Variants in SAMD5 observed in about 807,000 individuals in gnomAD.
SAMD5 encodes the protein sterile alpha motif domain-containing protein 5.
SAMD5 carries 13 observed loss-of-function variants against 11.3 expected under a neutral mutation model. The observed-to-expected ratio is 1.15, with a 90% CI of 0.75 to 1.83. The LOEUF (loss-of-function observed/expected upper bound fraction) is 1.83. Ranked by LOEUF, SAMD5 falls within the 40% of genes most tolerant of loss-of-function variation. SAMD5 has a pLI of 0.00. For missense variants in SAMD5, 255 were observed against 239.1 expected (o/e 1.07, Z -0.44); for synonymous variants, 129 against 111.3 (o/e 1.16, Z -1.00).
At chr6:147,775,815 A>G in the SAMD5 span, among the ~76,000 whole-genome samples, 1 of 152,136 alleles carries the variant, frequency 6.6e-6, no homozygotes. Context: ...CCACTTTCCC[A>G]GCTGTGTGAT....
At chr6:147,777,613 A>G in the SAMD5 span, among the ~76,000 whole-genome samples, 1 of 152,142 alleles carries the variant, frequency 6.6e-6, no homozygotes, top group Non-Finnish European at 1.5e-5. Context: ...AACAGTCCCC[A>G]CTGTCTACTT....
chr6:147,895,185 G>T, the SAMD5 span, among the ~76,000 whole-genome samples: 1 of 152,170 alleles, frequency 6.6e-6, no homozygotes, highest in Non-Finnish European at 1.5e-5. Flanking sequence ...ATGCTGAAAT[G>T]CTATCTTTAA....
chr6:147,785,017 G>A, the SAMD5 span, among the ~76,000 whole-genome samples: 1 of 152,056 alleles, frequency 6.6e-6, no homozygotes, highest in Non-Finnish European at 1.5e-5. Flanking sequence ...AGATTATAAA[G>A]TTATGGCCCC....
chr6:147,755,461 AT>A, the SAMD5 span, among the ~76,000 whole-genome samples: 4 of 152,104 alleles, frequency 2.6e-5, no homozygotes, highest in African/African-American at 9.7e-5. Context: ...TGGTACTCAT[AT>A]TGATGTGTCT....
rs529975933 is a variant in SAMD5 at position 147,626,791 on chromosome 6, G to GAAAA, written c.163-110503_163-110500dup. Among the ~76,000 whole-genome samples the GAAAA allele has an allele frequency of 5.8e-3, 316 of 54,352 alleles. 2 individuals are homozygous for GAAAA. The highest frequency in any genetic ancestry group is 7.2e-3 in the Non-Finnish European group (192 of 26,666). 35.7% of individuals were successfully genotyped at this position (54,352 alleles called of 152,430 possible). On this transcript the variant is annotated intron_variant, in intron 1 of 1. Coordinates refer to the SAMD5 transcript ENST00000566741. ...CAACATAACGAGACACTGTTTCTATGAAAAAAAAAAAAAAAAAAAAAAAAA... is the reference window on the plus strand; with the variant it reads ...CAACATAACGAGACACTGTTTCTATGAAAAAAAAAAAAAAAAAAAAAAAAAAAAA...
chr6:147,761,421 C>A, the SAMD5 span, among the ~76,000 whole-genome samples: 1 of 151,880 alleles, frequency 6.6e-6, no homozygotes, highest in East Asian at 1.9e-4. Context: ...ATAAAAGAGA[C>A]TAAGGTATAT....
chr6:147,688,375 T>A (rs1340665231), intron 1 of SAMD5, among the ~76,000 whole-genome samples: 1 of 152,216 alleles, frequency 6.6e-6, no homozygotes, highest in Non-Finnish European at 1.5e-5. Context: ...GTAGAGATAA[T>A]TTGAGATTCT....
downstream of SAMD5, among the ~76,000 whole-genome samples, chr6:147,741,015 G>T (rs1224584155): frequency 6.6e-6 from 1 of 152,160 alleles, no homozygotes; most frequent in Admixed American, 6.5e-5. Context: ...TAAAACAAGA[G>T]ACTTTTTCTT....
Position 147,567,690 on chromosome 6 carries a change from C to T in SAMD5, c.*3234C>T, listed in dbSNP as rs938653301. On this transcript the variant is annotated 3_prime_UTR_variant, in exon 2 of 2. Transcript: ENST00000367474. ...CTCAGTTGTCTTATTTCTTCTTATG[C>T]AGAAGAGATTACCTTAAAGCTGACT... 1.0e-6 allele frequency: 1 copy of T among 984,944 alleles called. No homozygotes were observed. The highest frequency in any genetic ancestry group is 1.1e-4 in the East Asian group (1 of 8,808). The allele number at this position is 984,944 out of a possible 1,614,324, so 61.0% of individuals were successfully genotyped here.
At chr6:147,641,511 C>T (rs1368103771) in intron 1 of SAMD5, among the ~76,000 whole-genome samples, 2 of 151,656 alleles carry the variant, frequency 1.3e-5, no homozygotes, top group Admixed American at 1.3e-4. Context: ...TCAGGACAAC[C>T]TTTTCAACTT....
intron 1 of SAMD5, among the ~76,000 whole-genome samples, chr6:147,657,461 G>C (rs1291401237): frequency 6.6e-6 from 1 of 152,136 alleles, no homozygotes; most frequent in Non-Finnish European, 1.5e-5. Context: ...ATGAGAGAGA[G>C]CGAGAGAGAG....
the SAMD5 span, among the ~76,000 whole-genome samples, chr6:147,831,311 A>C: frequency 6.6e-6 from 1 of 152,226 alleles, no homozygotes; most frequent in African/African-American, 2.4e-5. Flanking sequence ...CACACTTATT[A>C]ACTGAAAAGT....
chr6:147,609,992 T>A (rs1158252865), intron 1 of SAMD5, among the ~76,000 whole-genome samples: 1 of 152,214 alleles, frequency 6.6e-6, no homozygotes, highest in Non-Finnish European at 1.5e-5. Context: ...GTTGTCTCTT[T>A]TGTTGTTTTC....
the SAMD5 span, among the ~76,000 whole-genome samples, chr6:147,816,561 ATGG>A: frequency 6.6e-6 from 1 of 151,802 alleles, no homozygotes; most frequent in Admixed American, 6.6e-5. Flanking sequence ...TATCTTAGTG[ATGG>A]TTATTTTGGA....
intron 1 of SAMD5, among the ~76,000 whole-genome samples, chr6:147,632,066 G>A (rs1436899341): frequency 6.6e-6 from 1 of 152,160 alleles, no homozygotes; most frequent in Non-Finnish European, 1.5e-5. Flanking sequence ...TGGGGGAGTA[G>A]GTGGGAGTGA....
the SAMD5 span, among the ~76,000 whole-genome samples, chr6:147,933,846 TG>T: frequency 6.6e-6 from 1 of 152,196 alleles, no homozygotes; most frequent in African/African-American, 2.4e-5. Context: ...AAGAGAAATG[TG>T]TCAAAAGGTA....
intron 1 of SAMD5, among the ~76,000 whole-genome samples, chr6:147,678,026 C>A (rs1031565779): frequency 2.6e-5 from 4 of 152,110 alleles, no homozygotes; most frequent in Non-Finnish European, 4.4e-5. Flanking sequence ...ATTTACTCCA[C>A]TGAGGGGTGG....
the SAMD5 span, among the ~76,000 whole-genome samples, chr6:147,796,685 C>G: frequency 1.8e-4 from 28 of 151,858 alleles, no homozygotes; most frequent in Middle Eastern, 6.8e-3. Flanking sequence ...GATATTGATT[C>G]TTCCTACCCA....
chr6:147,804,232 C>T, the SAMD5 span, among the ~76,000 whole-genome samples: 346 of 151,902 alleles, frequency 2.3e-3, 1 homozygote, highest in African/African-American at 7.6e-3. Context: ...CTCAGCCTCC[C>T]GAGTAGCTGG....
Sources: allele counts gnomAD v4.1 joint callset (sites outside exome capture counted in the v4.1 genomes callset), GRCh38; gene constraint gnomAD v4.1.1; transcripts MANE v1.5; gene names NCBI Gene and HGNC (gene_info 2026-07-23, HGNC 2026-07-21).